Variants in AMPH observed in about 807,000 individuals in gnomAD.
AMPH encodes the protein amphiphysin.
Under a neutral mutation model 99.1 loss-of-function variants are expected in AMPH, and 49 were observed. The ratio of observed to expected loss-of-function variants is 0.49; its 90% CI spans 0.39 to 0.63. AMPH has a LOEUF of 0.63. Ranked by LOEUF, AMPH falls within the 20% of genes least tolerant of loss-of-function variation. The pLI is 0.00. For missense variants in AMPH, 759 were observed against 863.4 expected (o/e 0.88, Z 1.52); for synonymous variants, 314 against 317.3 (o/e 0.99, Z 0.11).
At chr7:38,591,910 T>C (rs944907784) in intron 1 of AMPH, among the ~76,000 whole-genome samples, 4 of 152,148 alleles carry the variant, frequency 2.6e-5, no homozygotes, top group African/African-American at 9.7e-5. Context: ...CCAGCAGCGC[T>C]AGAGGAGTTA....
chr7:38,535,326 C>T (rs1790558555), intron 1 of AMPH, among the ~76,000 whole-genome samples: 1 of 152,144 alleles, frequency 6.6e-6, no homozygotes, highest in African/African-American at 2.4e-5. Context: ...GAAGCTATGC[C>T]TTATTTGTCT....
intron 16 of AMPH, among the ~76,000 whole-genome samples, chr7:38,422,153 G>A (rs1002820546): frequency 1.3e-5 from 2 of 152,206 alleles, no homozygotes; most frequent in African/African-American, 4.8e-5. Flanking sequence ...AAATATACAT[G>A]TCTTTAATGG....
intron 1 of AMPH, among the ~76,000 whole-genome samples, chr7:38,578,443 A>AT (rs142908387): frequency 6.6e-6 from 1 of 152,112 alleles, no homozygotes; most frequent in Non-Finnish European, 1.5e-5. Flanking sequence ...TTTAACGAAA[A>AT]TTTTTTTTAA....
At chr7:38,475,218 T>C (rs1788036922) in intron 7 of AMPH, 113 bp downstream of exon 7, 3 of 700,474 alleles carry the variant, frequency 4.3e-6, no homozygotes, top group Non-Finnish European at 7.2e-6. Context: ...TAAAGAACAC[T>C]TTCACTGGAC....
chr7:38,404,247 C>T (rs1303903746), intron 17 of AMPH, among the ~76,000 whole-genome samples: 2 of 152,028 alleles, frequency 1.3e-5, no homozygotes, highest in African/African-American at 4.8e-5. Flanking sequence ...GCACATCCTC[C>T]TCCTGTCACC....
In AMPH at chr7:38,503,723, G is replaced by A; in HGVS notation, c.151-19C>T. 6.2e-7 allele frequency: 1 copy of A among 1,612,406 alleles called. No homozygotes were observed. Among genetic ancestry groups the A allele is most frequent in the Non-Finnish European group, 8.5e-7 (1 of 1,178,524 alleles). ...CCTCTGCCTAAAAAACACAAGCACA[G>A]ATGCTAAATATCTAGTCTATATTCT... On this transcript the variant is annotated intron_variant, in intron 2 of 20. Transcript: ENST00000356264.
rs2129021825 is a variant in AMPH at position 38,494,478 on chromosome 7, A to G, written c.255T>C (p.Tyr85=). ...CTTCCCGCCCATACCAGTCAGGCTCATAGACTTCATGCAGCGACTCTGTGA... is the reference window on the plus strand; with the variant it reads ...CTTCCCGCCCATACCAGTCAGGCTCGTAGACTTCATGCAGCGACTCTGTGA... ...MKLTESLHEV[Y]EPDWYGREDV... Residue 85 remains tyrosine, a synonymous_variant, in exon 4 of 21, where the codon TAT becomes TAC. Transcript: ENST00000356264. The G allele has an allele frequency of 6.2e-7, 1 of 1,613,936 alleles. No individual in the cohort carries two copies. The highest frequency in any genetic ancestry group is 2.2e-5 in the East Asian group (1 of 44,864).
At chr7:38,525,277 T>TATATATATATAGAGAGAGAGAGAG (rs1481528083) in intron 2 of AMPH, among the ~76,000 whole-genome samples, 1 of 86,662 alleles carries the variant, frequency 1.2e-5, no homozygotes, top group African/African-American at 4.7e-5. Flanking sequence ...TATATATATA[T>TATATATATATAGAGAGAGAGAGAG]AGAGAGAGAG....
intron 1 of AMPH, among the ~76,000 whole-genome samples, chr7:38,602,458 T>A (rs1562855208): frequency 6.6e-6 from 1 of 152,176 alleles, no homozygotes; most frequent in African/African-American, 2.4e-5. Flanking sequence ...CATCCTTCCA[T>A]TGCCTTTTCT....
chr7:38,422,052 C>T (rs1477924005), intron 16 of AMPH, among the ~76,000 whole-genome samples: 4 of 152,142 alleles, frequency 2.6e-5, no homozygotes, highest in African/African-American at 4.8e-5. Flanking sequence ...GGTAGTTTCA[C>T]GTTCAAGAAA....
intron 5 of AMPH, among the ~76,000 whole-genome samples, chr7:38,480,529 C>A (rs1341432856): frequency 1.3e-5 from 2 of 152,098 alleles, no homozygotes; most frequent in Non-Finnish European, 2.9e-5. Flanking sequence ...TTCTACACAC[C>A]CTTCAGGACT....
intron 2 of AMPH, among the ~76,000 whole-genome samples, chr7:38,533,732 T>C (rs1012691662): frequency 2.0e-5 from 3 of 152,180 alleles, no homozygotes; most frequent in Non-Finnish European, 4.4e-5. Context: ...AAGAAATCCA[T>C]GTCCTTATAT....
chr7:38,407,361 A>G (rs969758069), intron 17 of AMPH, among the ~76,000 whole-genome samples: 4 of 110,380 alleles, frequency 3.6e-5, no homozygotes, highest in African/African-American at 1.3e-4. Context: ...CTTTCTCCCT[A>G]TAAAAGTGAG....
chr7:38,615,823 T>C (rs1793853574), intron 1 of AMPH, among the ~76,000 whole-genome samples: 1 of 152,162 alleles, frequency 6.6e-6, no homozygotes, highest in Admixed American at 6.5e-5. Context: ...TTAGCTACTG[T>C]AGCAGTGGCC....
chr7:38,587,036 CA>C, intron 1 of AMPH, among the ~76,000 whole-genome samples: 1 of 146,680 alleles, frequency 6.8e-6, no homozygotes, highest in South Asian at 2.2e-4. Flanking sequence ...CACACACACA[CA>C]CATAAAATCC....
At chr7:38,468,734 G>A (rs1314312904) in intron 7 of AMPH, among the ~76,000 whole-genome samples, 2 of 152,158 alleles carry the variant, frequency 1.3e-5, no homozygotes, top group Non-Finnish European at 2.9e-5. Flanking sequence ...CGGCAAGCAT[G>A]AGTAAATGAA....
intron 11 of AMPH, among the ~76,000 whole-genome samples, chr7:38,437,206 C>T (rs915022947): frequency 6.6e-6 from 1 of 152,084 alleles, no homozygotes; most frequent in Non-Finnish European, 1.5e-5. Context: ...TTGAAGTCAG[C>T]ATAACCCAGG....
At chr7:38,537,668 G>A (rs74893876) in intron 1 of AMPH, among the ~76,000 whole-genome samples, 12,636 of 152,290 alleles carry the variant, frequency 0.083, 714 homozygotes, top group Middle Eastern at 0.19. Context: ...AGTAAGGGAT[G>A]ACTTAAACAG....
intron 2 of AMPH, among the ~76,000 whole-genome samples, chr7:38,527,274 T>C (rs1008566701): frequency 6.6e-6 from 1 of 152,234 alleles, no homozygotes; most frequent in Non-Finnish European, 1.5e-5. Flanking sequence ...AATAAGTTTA[T>C]CTATGGTCAT....
Sources: gnomAD v4.1 joint callset for allele counts (sites outside exome capture counted in the v4.1 genomes callset) on GRCh38, gnomAD v4.1.1 for gene constraint, MANE v1.5 for transcripts, NCBI Gene and HGNC (gene_info 2026-07-23, HGNC 2026-07-21) for gene names.